Variants in DIP2C observed in about 807,000 individuals in gnomAD.
DIP2C encodes the protein disco-interacting protein 2 homolog C.
DIP2C carries 33 observed loss-of-function variants against 192.4 expected under a neutral mutation model. The ratio of observed to expected loss-of-function variants is 0.17; its 90% CI spans 0.13 to 0.23. The LOEUF is 0.23. Among genes scored for constraint, DIP2C ranks in the 10% least tolerant of loss-of-function variants. The pLI is 1.00. For synonymous variants in DIP2C, 979 were observed against 864.1 expected (o/e 1.13, Z -2.33); for missense variants, 1,537 against 2,110.1 (o/e 0.73, Z 5.32).
chr10:492,583 C>T (rs1051387153), intron 1 of DIP2C, among the ~76,000 whole-genome samples: 6 of 152,270 alleles, frequency 3.9e-5, no homozygotes, highest in East Asian at 3.9e-4. Flanking sequence ...GCACTCTGGG[C>T]GACAGAGCAA....
chr10:364,724 A>AGTGACCGCTG (rs1959971305), intron 19 of DIP2C, 142 bp from the exon 20 acceptor site: 1 of 900,580 alleles, frequency 1.1e-6, no homozygotes, highest in East Asian at 2.7e-5. Context: ...CCGAGGTCAC[A>AGTGACCGCTG]GTGACCGCTG....
At chr10:321,535 GC>G (rs200475051) in intron 31 of DIP2C, among the ~76,000 whole-genome samples, 2,892 of 109,522 alleles carry the variant, frequency 0.026, 130 homozygotes, top group African/African-American at 0.063. Flanking sequence ...GCCTGCGGGG[GC>G]TCCAGCGAGA....
At chr10:598,728 T>G (rs377687750) in intron 1 of DIP2C, among the ~76,000 whole-genome samples, 1 of 152,182 alleles carries the variant, frequency 6.6e-6, no homozygotes, top group Non-Finnish European at 1.5e-5. Context: ...TAGATTCTCT[T>G]AAGTTTGAGA....
At chr10:369,425 C>A in intron 18 of DIP2C, 69 bp downstream of exon 18, 1 of 1,468,310 alleles carries the variant, frequency 6.8e-7, no homozygotes, top group South Asian at 1.5e-5. Flanking sequence ...GGAACGCAGG[C>A]TTTGGTGACA....
intron 1 of DIP2C, among the ~76,000 whole-genome samples, chr10:580,941 G>GT (rs140588854): frequency 0.029 from 4,484 of 152,252 alleles, 215 homozygotes; most frequent in African/African-American, 0.097. Flanking sequence ...TTAGAAGTGT[G>GT]TCCTCATGTT....
chr10:361,087 T>A (rs1346540264), intron 22 of DIP2C, among the ~76,000 whole-genome samples: 3 of 152,226 alleles, frequency 2.0e-5, no homozygotes, highest in Non-Finnish European at 2.9e-5. Context: ...CTCTGCCAGT[T>A]AATATTTGTT....
intron 2 of DIP2C, among the ~76,000 whole-genome samples, chr10:478,916 A>AG (rs1201122324): frequency 1.3e-5 from 2 of 152,072 alleles, no homozygotes; most frequent in Admixed American, 6.6e-5. Flanking sequence ...GTAGGGAGGG[A>AG]GGAGGAGAGG....
At chr10:305,272 GAC>G (rs1205303671) in intron 32 of DIP2C, among the ~76,000 whole-genome samples, 1 of 152,130 alleles carries the variant, frequency 6.6e-6, no homozygotes, top group Admixed American at 6.5e-5. Flanking sequence ...CACATGTGCA[GAC>G]ACTATTCACA....
chr10:570,911 T>TCCCC (rs950828532), intron 1 of DIP2C, among the ~76,000 whole-genome samples: 2 of 152,162 alleles, frequency 1.3e-5, no homozygotes, highest in Non-Finnish European at 2.9e-5. Flanking sequence ...AACAGCAGCA[T>TCCCC]CCCCCTCCTC....
At chr10:609,119 A>G (rs957213095) in intron 1 of DIP2C, among the ~76,000 whole-genome samples, 4 of 152,194 alleles carry the variant, frequency 2.6e-5, no homozygotes, top group African/African-American at 9.7e-5. Context: ...TCGCAGTTCT[A>G]AATTTAATAT....
chr10:615,382 TG>T, intron 1 of DIP2C, among the ~76,000 whole-genome samples: 1 of 152,244 alleles, frequency 6.6e-6, no homozygotes, highest in East Asian at 1.9e-4. Context: ...GGGGCCACGG[TG>T]TTTACAATGG....
chr10:507,466 C>T (rs1461666293), intron 1 of DIP2C, among the ~76,000 whole-genome samples: 6 of 151,534 alleles, frequency 4.0e-5, no homozygotes, highest in Admixed American at 2.0e-4. Context: ...CGTGAGGTTA[C>T]GGACTTGGTC....
In DIP2C at chr10:650,489, A is replaced by G. The variant is rs192155114; in HGVS notation, c.85+39005T>C. Reference sequence around the variant, plus strand: ...CCTAAGAGAGTCCACGGCCACTTCTACTGGGTTCCCTATACTCTTCCCCTG... The same window carrying G: ...CCTAAGAGAGTCCACGGCCACTTCTGCTGGGTTCCCTATACTCTTCCCCTG... On this transcript the variant is annotated intron_variant, in intron 1 of 36. Coordinates refer to ENST00000280886, the MANE Select transcript of DIP2C (RefSeq NM_014974.3). The G allele has an allele frequency of 1.0e-4, 72 of 702,528 alleles. 1 individual carries two copies. In the African/African-American group the frequency reaches 1.1e-3, roughly 11 times the overall value. The allele number at this position is 702,528 out of a possible 1,614,324, so 43.5% of individuals were successfully genotyped here. A position where few individuals can be genotyped will look rare whatever the true frequency, so the allele number is the denominator to read the frequency against.
intron 1 of DIP2C, chr10:650,247 G>A: frequency 4.2e-6 from 3 of 717,196 alleles, no homozygotes; most frequent in East Asian, 2.7e-5. Context: ...TTCCCCTCAG[G>A]AGACAGCTGG....
intron 1 of DIP2C, among the ~76,000 whole-genome samples, chr10:684,027 C>T (rs937824305): frequency 1.3e-5 from 2 of 152,272 alleles, no homozygotes; most frequent in African/African-American, 2.4e-5. Context: ...GGGCCCCTAA[C>T]GGCACCTGGA....
At chr10:616,661 G>A (rs145413731) in intron 1 of DIP2C, among the ~76,000 whole-genome samples, 7 of 152,310 alleles carry the variant, frequency 4.6e-5, no homozygotes, top group East Asian at 1.9e-4. Flanking sequence ...AGCAGAGTGC[G>A]GGAAGGACCA....
intron 1 of DIP2C, chr10:664,549 T>A (rs577225894): frequency 6.6e-6 from 1 of 152,228 alleles, no homozygotes; most frequent in Non-Finnish European, 1.5e-5. Flanking sequence ...AGCCCAGTTA[T>A]ACACTCGACA....
chr10:456,605 G>A (rs540645786), intron 3 of DIP2C, among the ~76,000 whole-genome samples: 3 of 152,348 alleles, frequency 2.0e-5, no homozygotes, highest in East Asian at 1.9e-4. Context: ...GGACAGAGAA[G>A]AAAGCCAAGC....
intron 1 of DIP2C, among the ~76,000 whole-genome samples, chr10:522,620 C>T (rs969644241): frequency 1.3e-5 from 2 of 152,246 alleles, no homozygotes; most frequent in Admixed American, 6.5e-5. Flanking sequence ...CCTCGCCCTA[C>T]GACATAAGAC....
Sources: gnomAD v4.1 joint callset for allele counts (sites outside exome capture counted in the v4.1 genomes callset) on GRCh38, gnomAD v4.1.1 for gene constraint, MANE v1.5 for transcripts, NCBI Gene and HGNC (gene_info 2026-07-23, HGNC 2026-07-21) for gene names.